The following CUX2 variants were observed in gnomAD, a reference collection of about 807,000 sequenced individuals.
CUX2 encodes the protein cut like homeobox 2.
CUX2 carries 40 observed loss-of-function variants against 144.8 expected under a neutral mutation model. The observed-to-expected ratio is 0.28, with a 90% CI of 0.21 to 0.36. CUX2 has a LOEUF of 0.36. Ranked by LOEUF, CUX2 falls within the 10% of genes least tolerant of loss-of-function variation. The pLI, the probability that CUX2 is intolerant of heterozygous loss-of-function variation, is 1.00. For synonymous variants in CUX2, 827 were observed against 875.6 expected (o/e 0.94, Z 0.98); for missense variants, 1,615 against 1,994.0 (o/e 0.81, Z 3.62).
intron 1 of CUX2, among the ~76,000 whole-genome samples, chr12:111,204,536 G>A (rs1342545918): frequency 6.6e-6 from 1 of 152,190 alleles, no homozygotes; most frequent in East Asian, 1.9e-4. Context: ...GGGAAAGATT[G>A]TCCTCCAGGG....
At chr12:111,046,718 G>A (rs751686493) in intron 1 of CUX2, among the ~76,000 whole-genome samples, 3 of 152,078 alleles carry the variant, frequency 2.0e-5, no homozygotes, top group Non-Finnish European at 2.9e-5. Context: ...GTGCAGTGGC[G>A]CAATCTCGGC....
chr12:111,169,921 A>G (rs1592797881), intron 1 of CUX2, among the ~76,000 whole-genome samples: 3 of 152,070 alleles, frequency 2.0e-5, no homozygotes, highest in South Asian at 2.1e-4. Context: ...ACTATGGGCC[A>G]TATGTGGACA....
chr12:111,343,833 G>A (rs774251868), intron 21 of CUX2, among the ~76,000 whole-genome samples: 131 of 152,330 alleles, frequency 8.6e-4, no homozygotes, highest in Middle Eastern at 3.4e-3. Flanking sequence ...GGCCAAGGCA[G>A]GCGGATCACC....
chr12:111,084,662 C>T (rs749722414), intron 1 of CUX2, among the ~76,000 whole-genome samples: 2 of 152,222 alleles, frequency 1.3e-5, no homozygotes, highest in East Asian at 1.9e-4. Flanking sequence ...TACCTGTGAA[C>T]GTTTTAAGGA....
At chr12:111,175,091 A>G (rs1001124338) in intron 1 of CUX2, among the ~76,000 whole-genome samples, 7 of 152,294 alleles carry the variant, frequency 4.6e-5, no homozygotes, top group Non-Finnish European at 7.3e-5. Flanking sequence ...AATGCAATCA[A>G]TTTTGTACAT....
chr12:111,242,524 G>T (rs886364603), intron 3 of CUX2, among the ~76,000 whole-genome samples: 1 of 152,154 alleles, frequency 6.6e-6, no homozygotes, highest in Admixed American at 6.5e-5. Flanking sequence ...TCCTAGATTA[G>T]ATTTGTAGGC....
Position 111,314,510 on chromosome 12 carries a change from A to C in CUX2, c.2002+2309A>C, listed in dbSNP as rs1887070528. 2.6e-5 allele frequency among the ~76,000 whole-genome samples: 4 copies of C among 152,020 alleles called. No individual in the cohort carries two copies. The South Asian group carries it at 6.2e-4, about 24-fold the overall frequency. On this transcript the variant is annotated intron_variant, in intron 16 of 21. Transcript: ENST00000261726. The stretch of plus-strand genomic sequence containing the variant: ...ACAAAAATTGGCTGGGCATGGTGGT[A>C]GGTGCCTGTAATCCCAGCTATTTGG...
intron 17 of CUX2, among the ~76,000 whole-genome samples, chr12:111,321,676 C>T (rs968802247): frequency 1.3e-5 from 2 of 151,984 alleles, no homozygotes; most frequent in South Asian, 4.1e-4. Flanking sequence ...AGCAAGACCT[C>T]ATCCCCCCAA....
In CUX2 at chr12:111,262,866, G is replaced by A. The variant is rs143288339; in HGVS notation, c.223-895G>A. ...GTGTCCCACTTTCCTCCTAAAACAT[G>A]TATCATATTTGAACTTCCAGTCTAC... On this transcript the variant is annotated intron_variant, in intron 3 of 21. Transcript: ENST00000261726. Among the ~76,000 whole-genome samples, 129 of 152,318 alleles carry A rather than the reference G, an allele frequency of 8.5e-4. 1 individual carries two copies. Among genetic ancestry groups the A allele is most frequent in the African/African-American group, 3.0e-3 (123 of 41,570 alleles).
At chr12:111,282,872 C>T (rs1490256197) in intron 4 of CUX2, among the ~76,000 whole-genome samples, 2 of 152,014 alleles carry the variant, frequency 1.3e-5, no homozygotes, top group East Asian at 3.9e-4. Context: ...CCGCACCTCC[C>T]CCCACCAAAG....
rs1886001865 is a variant in CUX2 at position 111,296,519 on chromosome 12, C to T, written c.684C>T (p.Tyr228=). 5 of 1,611,456 alleles carry T rather than the reference C, an allele frequency of 3.1e-6. No individual in the cohort carries two copies. Among genetic ancestry groups the T allele is most frequent in the African/African-American group, 1.3e-5 (1 of 74,984 alleles). The change falls in exon 8 of 22, where the codon TAC becomes TAT. Residue 228 remains tyrosine (Y), a synonymous_variant. Coordinates refer to ENST00000261726, the MANE Select transcript of CUX2 (RefSeq NM_015267.4). ...AGCTGCTAGAGCTGCGGCGGAAGTACGACGAGGAGGCAGCATCCAAGTAAG... is the reference window on the plus strand; with the variant it reads ...AGCTGCTAGAGCTGCGGCGGAAGTATGACGAGGAGGCAGCATCCAAGTAAG... ...QAELLELRRK[Y]DEEAASKADE... is the part of the protein sequence containing the mutation.
At chr12:111,082,510 A>G (rs934420277) in intron 1 of CUX2, among the ~76,000 whole-genome samples, 9 of 152,204 alleles carry the variant, frequency 5.9e-5, no homozygotes, top group African/African-American at 2.2e-4. Flanking sequence ...GAGAAAATCA[A>G]AAAACAGCAG....
chr12:111,343,099 A>G (rs1164207160), intron 21 of CUX2, among the ~76,000 whole-genome samples: 3 of 151,890 alleles, frequency 2.0e-5, no homozygotes, highest in Non-Finnish European at 4.4e-5. Context: ...ATTTGGGGGT[A>G]CAGGCCTGAG....
Position 111,320,240 on chromosome 12 carries a change from T to C in CUX2, c.2231T>C (p.Leu744Ser). The C allele has an allele frequency of 6.3e-7, 1 of 1,580,390 alleles. No individual in the cohort carries two copies. Among genetic ancestry groups the C allele is most frequent in the Non-Finnish European group, 8.5e-7 (1 of 1,171,076 alleles). ...ATASQNGAPALVKQEEGSGGP... is the reference protein window; with the variant it reads ...ATASQNGAPASVKQEEGSGGP... ...GCGAGCCAGAACGGGGCCCCGGCCT[T>C]GGTGAAGCAGGAGGAGGGCAGCGGG... The change falls in exon 17 of 22, where the codon TTG becomes TCG. Residue 744 changes from leucine (L) to serine (S), a missense_variant. Transcript: ENST00000261726. The surrounding 1 kb of genome is among the most constrained non-coding windows in gnomAD (Gnocchi z 8.1).
intron 1 of CUX2, among the ~76,000 whole-genome samples, chr12:111,104,650 C>G (rs1375627019): frequency 6.6e-6 from 1 of 152,220 alleles, no homozygotes; most frequent in Non-Finnish European, 1.5e-5. Context: ...AGGAAAGGAT[C>G]TGGCACGCAG....
chr12:111,307,290 A>T lies in CUX2; in HGVS notation c.1109+33A>T. On this transcript the variant is annotated intron_variant, in intron 12 of 21. Coordinates refer to ENST00000261726, the MANE Select transcript of CUX2 (RefSeq NM_015267.4). This position sits in a 1 kb window ranked among gnomAD's most constrained non-coding sequence, Gnocchi z 4.1. ...GTGGGGTGGGGCTCCACAGACCCTC[A>T]GTGCTCTTCCCTGGCCAGGAGCTCT... 1 of 1,603,974 alleles carries T rather than the reference A, an allele frequency of 6.2e-7. No homozygotes were observed. The highest frequency in any genetic ancestry group is 1.7e-5 in the Admixed American group (1 of 59,890).
chr12:111,232,805 C>T (rs76296934), intron 3 of CUX2, among the ~76,000 whole-genome samples: 3,316 of 152,276 alleles, frequency 0.022, 50 homozygotes, highest in Non-Finnish European at 0.033. Flanking sequence ...TCATTCATTT[C>T]CTTAGCAAAT....
Position 111,304,384 on chromosome 12 carries a change from T to A in CUX2, c.858+70T>A. Reference sequence around the variant, plus strand: ...GATCGGGAATGGCTGAGTTTGCAGGTTTCAGCATGTGGGTGACACTTTGTG... The same window carrying A: ...GATCGGGAATGGCTGAGTTTGCAGGATTCAGCATGTGGGTGACACTTTGTG... On this transcript the variant is annotated intron_variant, in intron 10 of 21. Coordinates refer to ENST00000261726, the MANE Select transcript of CUX2 (RefSeq NM_015267.4). This position sits in a 1 kb window ranked among gnomAD's most constrained non-coding sequence, Gnocchi z 4.7. 1 of 1,275,156 alleles carries A rather than the reference T, an allele frequency of 7.8e-7. No individual in the cohort carries two copies. The highest frequency in any genetic ancestry group is 1.3e-5 in the South Asian group (1 of 79,520). 79.0% of individuals were successfully genotyped at this position (1,275,156 alleles called of 1,614,324 possible).
chr12:111,285,186 G>T (rs1197245106), intron 4 of CUX2, among the ~76,000 whole-genome samples: 1 of 152,140 alleles, frequency 6.6e-6, no homozygotes, highest in African/African-American at 2.4e-5. Context: ...TATCCATCAG[G>T]GTTCTTTAGT....
Sources: gnomAD v4.1 joint callset for allele counts (sites outside exome capture counted in the v4.1 genomes callset) on GRCh38, gnomAD v4.1.1 for gene constraint, Gnocchi (gnomAD v3.1) non-coding constraint, MANE v1.5 for transcripts, NCBI Gene and HGNC (gene_info 2026-07-23, HGNC 2026-07-21) for gene names.